Variants in SNED1 observed in about 807,000 individuals in gnomAD.
SNED1 encodes the protein sushi, nidogen and EGF-like domain-containing protein 1.
SNED1 carries 81 observed loss-of-function variants against 166.7 expected under a neutral mutation model. The ratio of observed to expected loss-of-function variants is 0.49; its 90% CI spans 0.41 to 0.58. The LOEUF (loss-of-function observed/expected upper bound fraction) is 0.58. Ranked by LOEUF, SNED1 falls within the 20% of genes least tolerant of loss-of-function variation. The pLI, the probability that SNED1 is intolerant of heterozygous loss-of-function variation, is 0.00. For missense variants in SNED1, 1,604 were observed against 2,000.2 expected, an observed-to-expected ratio of 0.80 and a Z score of 3.78; for synonymous variants, 762 against 822.0, an observed-to-expected ratio of 0.93 and a Z score of 1.25.
At chr2:241,028,417 C>T (rs1470453637) in intron 1 of SNED1, among the ~76,000 whole-genome samples, 6 of 152,108 alleles carry the variant, frequency 3.9e-5, no homozygotes, top group Admixed American at 3.9e-4. Flanking sequence ...GTTTTACAGT[C>T]TTAGCTCTTA....
At chr2:241,061,741 C>A (rs941303767) in intron 16 of SNED1, among the ~76,000 whole-genome samples, 7 of 151,524 alleles carry the variant, frequency 4.6e-5, no homozygotes, top group Non-Finnish European at 1.0e-4. Flanking sequence ...AAAAATTAGT[C>A]GGGCATGGTG....
Position 241,064,966 on chromosome 2 carries a change from C to A in SNED1, c.2713+9C>A. The A allele has an allele frequency of 6.4e-7, 1 of 1,561,338 alleles. No individual in the cohort carries two copies. Among genetic ancestry groups the A allele is most frequent in the East Asian group, 2.4e-5 (1 of 42,108 alleles). On this transcript the variant is annotated intron_variant, in intron 20 of 31. Transcript: ENST00000310397. This position sits in a 1 kb window ranked among gnomAD's most constrained non-coding sequence, Gnocchi z 7.0. ...CGAGGACTGCGCCAAAGGTGGGTGG[C>A]GAGGGCGCCTCCAGTGAGGGAGCCA...
intron 27 of SNED1, 85 bp from the exon 28 acceptor site, chr2:241,081,592 C>A: frequency 2.0e-6 from 2 of 1,018,844 alleles, no homozygotes; most frequent in South Asian, 1.4e-5. Context: ...TGCATCAGGT[C>A]ATCAAGGAAG....
chr2:241,065,008 C>A, intron 20 of SNED1, 51 bp downstream of exon 20: 1 of 1,344,804 alleles, frequency 7.4e-7, no homozygotes, highest in Non-Finnish European at 1.0e-6. Flanking sequence ...GGTCCCCTCT[C>A]CCTAGAGGGC....
Position 241,078,331 on chromosome 2 carries a change from T to C in SNED1, c.3917-3346T>C, listed in dbSNP as rs1322261804. 1.5e-4 allele frequency among the ~76,000 whole-genome samples: 21 copies of C among 142,092 alleles called. No individual in the cohort carries two copies. In the East Asian group the frequency reaches 4.3e-3, roughly 29 times the overall value. The allele number at this position is 142,092 out of a possible 152,430, so 93.2% of individuals were successfully genotyped here. A position where few individuals can be genotyped will look rare whatever the true frequency, so the allele number is the denominator to read the frequency against. On this transcript the variant is annotated intron_variant, in intron 27 of 31. Coordinates refer to ENST00000310397, the MANE Select transcript of SNED1 (RefSeq NM_001080437.3). ...CCGGGAGGTGGAGTTTGCAGTGAGG[T>C]GAGATCGCGCCACTGCACTGCAGCC...
chr2:241,008,253 G>A (rs1020304727), intron 1 of SNED1, among the ~76,000 whole-genome samples: 1 of 152,232 alleles, frequency 6.6e-6, no homozygotes, highest in Non-Finnish European at 1.5e-5. Context: ...CCTGGGGCTG[G>A]CTCAGAGCCC....
At chr2:241,071,070 T>TGAGAGG (rs1392818563) in intron 24 of SNED1, among the ~76,000 whole-genome samples, 1 of 150,536 alleles carries the variant, frequency 6.6e-6, no homozygotes, top group Non-Finnish European at 1.5e-5. Flanking sequence ...GGCGTCAGAG[T>TGAGAGG]GAGAGGGAGA....
chr2:241,031,706 A>G (rs909391265), intron 2 of SNED1, among the ~76,000 whole-genome samples: 7 of 152,184 alleles, frequency 4.6e-5, no homozygotes, highest in Admixed American at 2.6e-4. Context: ...TGTCCCCTAG[A>G]CGGTGCCACC....
At position 241,067,889 on chromosome 2, in the gene SNED1, G is replaced by A; in HGVS notation, c.3136G>A (p.Glu1046Lys). 6.2e-7 allele frequency: 1 copy of A among 1,613,534 alleles called. No individual in the cohort carries two copies. Among genetic ancestry groups the A allele is most frequent in the Non-Finnish European group, 8.5e-7 (1 of 1,179,832 alleles). ...SGVRVSIRHP[E>K]ALRDQATDVD... is the part of the protein sequence containing the mutation. ...GGTCCGTGTGTCCATCCGCCACCCT[G>A]AGGCCCTCAGGGACCAGGCCACCGA... The change falls in exon 22 of 32, where the codon GAG becomes AAG. Residue 1046 changes from glutamate (E) to lysine (K), a missense_variant. Physicochemically the swap from Glu to Lys is moderately conservative, Grantham distance 56. This residue lies in a region of SNED1 where 1,237 missense variants were observed against 1,620.8 expected (regional missense o/e 0.76). Coordinates refer to ENST00000310397, the MANE Select transcript of SNED1 (RefSeq NM_001080437.3).
intron 2 of SNED1, 126 bp downstream of exon 2, chr2:241,030,697 C>A: frequency 1.9e-6 from 2 of 1,032,142 alleles, no homozygotes; most frequent in Non-Finnish European, 2.8e-6. Context: ...AAGAGGGGAA[C>A]ACGTGGTCAA....
intron 29 of SNED1, among the ~76,000 whole-genome samples, chr2:241,085,883 T>TC (rs2063549432): frequency 1.4e-5 from 2 of 147,440 alleles, no homozygotes; most frequent in Admixed American, 6.7e-5. Flanking sequence ...TTTTTTTTTT[T>TC]TGAGACAGTG....
In SNED1 at chr2:241,064,992, C is replaced by T. The variant is rs200016986; in HGVS notation, c.2713+35C>T. 44 of 1,486,318 alleles carry T rather than the reference C, an allele frequency of 3.0e-5. No homozygotes were observed. In the Admixed American group the frequency reaches 6.1e-4, roughly 21 times the overall value. 92.1% of individuals were successfully genotyped at this position (1,486,318 alleles called of 1,614,324 possible). A position where few individuals can be genotyped will look rare whatever the true frequency, so the allele number is the denominator to read the frequency against. ...GAGGGCGCCTCCAGTGAGGGAGCCACGAGGGGGTCCCCTCTCCCTAGAGGG... is the reference window on the plus strand; with the variant it reads ...GAGGGCGCCTCCAGTGAGGGAGCCATGAGGGGGTCCCCTCTCCCTAGAGGG... On this transcript the variant is annotated intron_variant, in intron 20 of 31. Transcript: ENST00000310397. The surrounding 1 kb of genome is among the most constrained non-coding windows in gnomAD (Gnocchi z 7.0).
intron 27 of SNED1, among the ~76,000 whole-genome samples, chr2:241,080,473 C>T (rs938812364): frequency 2.0e-5 from 3 of 152,118 alleles, no homozygotes; most frequent in East Asian, 1.9e-4. Context: ...CTCTAGATCT[C>T]GTTCTCACCA....
chr2:241,071,992 C>T, intron 26 of SNED1, 114 bp downstream of exon 26: 4 of 931,990 alleles, frequency 4.3e-6, no homozygotes, highest in Non-Finnish European at 5.1e-6. Flanking sequence ...AGCGCAGTCT[C>T]CAGCCAGTGA....
chr2:241,005,710 G>A (rs1221787422), intron 1 of SNED1, among the ~76,000 whole-genome samples: 2 of 152,074 alleles, frequency 1.3e-5, no homozygotes, highest in Admixed American at 1.3e-4. Context: ...ATTTTTTGAA[G>A]ATGCTGCTCT....
At chr2:241,038,814 T>C (rs58251972) in intron 6 of SNED1, among the ~76,000 whole-genome samples, 16,013 of 152,286 alleles carry the variant, frequency 0.11, 943 homozygotes, top group East Asian at 0.19. Flanking sequence ...TGTGCGGTGC[T>C]GGCCAGGGGC....
At chr2:241,063,964 C>T in intron 18 of SNED1, 48 bp from the exon 19 acceptor site, 1 of 1,378,332 alleles carries the variant, frequency 7.3e-7, no homozygotes, top group Non-Finnish European at 1.0e-6. Context: ...CCTCCCTCCC[C>T]CAGACTCCCC....
chr2:241,063,834 TGGGA>T, intron 18 of SNED1, 134 bp downstream of exon 18: 1 of 580,246 alleles, frequency 1.7e-6, no homozygotes, highest in Non-Finnish European at 2.8e-6. Context: ...GCGGCCACCT[TGGGA>T]GGGAGGGGTG....
chr2:241,048,222 G>A (rs1358455990), intron 8 of SNED1, 93 bp from the exon 9 acceptor site: 1 of 1,407,874 alleles, frequency 7.1e-7, no homozygotes, highest in Admixed American at 2.9e-5. Context: ...GACAACAGAG[G>A]TGAAAACCCA....
Sources: allele counts gnomAD v4.1 joint callset (sites outside exome capture counted in the v4.1 genomes callset), GRCh38; gene constraint gnomAD v4.1.1; regional missense constraint gnomAD v4.1.1; non-coding constraint Gnocchi (gnomAD v3.1); transcripts MANE v1.5; gene names NCBI Gene and HGNC (gene_info 2026-07-23, HGNC 2026-07-21).